The following H1-8 variants were observed in gnomAD, a reference collection of about 807,000 sequenced individuals.
H1-8 encodes the protein H1.8 linker histone, also known as histone H1.8.
In H1-8, 13 loss-of-function variants were observed where a neutral mutation model predicts 19.5. The ratio of observed to expected loss-of-function variants is 0.67; its 90% CI spans 0.43 to 1.06. H1-8 has a LOEUF of 1.06. H1-8 is among the 50% of genes least tolerant of loss of function. The pLI is 0.00. For missense variants in H1-8, 432 were observed against 459.8 expected (o/e 0.94, Z 0.55); for synonymous variants, 193 against 187.6 (o/e 1.03, Z -0.24).
chr3:129,550,807 A>C lies in H1-8; in HGVS notation c.805A>C (p.Lys269Gln). Reference sequence around the variant, plus strand: ...TAAGAGTTCAAAACCCACGGCCAGCAAGGTAGGTGCCTGCATGAATTTCCT... The same window carrying C: ...TAAGAGTTCAAAACCCACGGCCAGCCAGGTAGGTGCCTGCATGAATTTCCT... ...ESKSSKPTAS[K>Q]VKNGAASPTK... The change falls in exon 4 of 5, where the codon AAG becomes CAG. Residue 269 changes from lysine to glutamine, a missense_variant and splice_region_variant. Coordinates refer to ENST00000324382, the MANE Select transcript of H1-8 (RefSeq NM_153833.3). The C allele has an allele frequency of 6.2e-7, 1 of 1,612,816 alleles. No individual in the cohort carries two copies. Among genetic ancestry groups the C allele is most frequent in the Non-Finnish European group, 8.5e-7 (1 of 1,179,308 alleles).
intron 1 of H1-8, among the ~76,000 whole-genome samples, chr3:129,545,185 C>T (rs2084879115): frequency 6.6e-6 from 1 of 151,926 alleles, no homozygotes; most frequent in Non-Finnish European, 1.5e-5. Flanking sequence ...CTCAGCCTCC[C>T]AAGTAGCTAG....
Position 129,550,597 on chromosome 3 carries a change from A to G in H1-8, c.743-148A>G, listed in dbSNP as rs1347973700. On this transcript the variant is annotated intron_variant, in intron 3 of 4. Transcript: ENST00000324382. ...TCTTCAAACTAGGTCACTGAGGCTCAGAGTGGCTAAATGATTTGCCCCATG... is the reference window on the plus strand; with the variant it reads ...TCTTCAAACTAGGTCACTGAGGCTCGGAGTGGCTAAATGATTTGCCCCATG... 2.6e-5 allele frequency: 17 copies of G among 653,342 alleles called. No homozygotes were observed. In the East Asian group the frequency reaches 4.6e-4, roughly 18 times the overall value. The allele number at this position is 653,342 out of a possible 1,614,324, so 40.5% of individuals were successfully genotyped here.
rs562402409 is a variant in H1-8, at chr3:129,545,869, C to T, written c.89-1522C>T. ...GTTTGGGCTGGTTCCATCTTTGGGC[C>T]GACATGAATAGTGCTGCTATGAACA... On this transcript the variant is annotated intron_variant, in intron 1 of 4. Transcript: ENST00000324382. Among the ~76,000 whole-genome samples, 4 of 152,126 alleles carry T rather than the reference C, an allele frequency of 2.6e-5. No individual in the cohort carries two copies. The South Asian group carries it at 6.2e-4, about 24-fold the overall frequency.
rs1474318968 is a variant in H1-8 at position 129,549,156 on chromosome 3, G to C, written c.534G>C (p.Lys178Asn). 1 of 1,567,566 alleles carries C rather than the reference G, an allele frequency of 6.4e-7. No individual in the cohort carries two copies. The highest frequency in any genetic ancestry group is 2.4e-5 in the East Asian group (1 of 42,324). ...TGGGCAAGGTGAAAAAGGCAGCCAA[G>C]AGGCCAGCAAAGGTGCAGAAGCCTC... The part of the protein sequence containing the change: ...PNVGKVKKAA[K>N]RPAKVQKPPP... The change falls in exon 3 of 5, where the codon AAG becomes AAC. Residue 178 changes from lysine to asparagine, a missense_variant. Transcript: ENST00000324382.
In H1-8 at chr3:129,550,726, C is replaced by T. The variant is rs1187031311; in HGVS notation, c.743-19C>T. ...GTTCCTCCTTCTTCCCCTATAAAACCTCCTCCATCAAATTCCAGGAGATGC... is the reference window on the plus strand; with the variant it reads ...GTTCCTCCTTCTTCCCCTATAAAACTTCCTCCATCAAATTCCAGGAGATGC... On this transcript the variant is annotated intron_variant, in intron 3 of 4. Transcript: ENST00000324382. 4 of 1,612,160 alleles carry T rather than the reference C, an allele frequency of 2.5e-6. No homozygotes were observed. In the Admixed American group the frequency reaches 6.7e-5, roughly 27 times the overall value.
In H1-8 at chr3:129,544,277, G is replaced by A. The variant is rs561848984; in HGVS notation, c.88+971G>A. ...GGGCCTCCAAGGCGGTCTTCAGTTA[G>A]GTCAACTTTTATCTTGAACAGGGAG... On this transcript the variant is annotated intron_variant, in intron 1 of 4. Transcript: ENST00000324382. Among the ~76,000 whole-genome samples the A allele has an allele frequency of 2.6e-3, 402 of 152,180 alleles. 1 individual carries two copies. The highest frequency in any genetic ancestry group is 4.7e-3 in the Non-Finnish European group (317 of 68,010).
intron 2 of H1-8, among the ~76,000 whole-genome samples, chr3:129,548,084 G>C (rs2084903817): frequency 6.6e-6 from 1 of 152,174 alleles, no homozygotes; most frequent in Non-Finnish European, 1.5e-5. Context: ...GGCTCCAAAA[G>C]GGGACCCATG....
In H1-8 at chr3:129,543,272, A is replaced by T; in HGVS notation, c.54A>T (p.Ala18=). The T allele has an allele frequency of 6.2e-7, 1 of 1,613,738 alleles. No individual in the cohort carries two copies. The highest frequency in any genetic ancestry group is 8.5e-7 in the Non-Finnish European group (1 of 1,179,816). ...TCTCACCCTCCTCGACTTCCACAGC[A>T]GGATCATCCAGGTCTCCTGAATCTG... is the stretch of plus-strand genomic sequence containing the variant. The part of the protein sequence containing the change: ...SDISPSSTST[A]GSSRSPESEK... Residue 18 remains alanine, a synonymous_variant, in exon 1 of 5, where the codon GCA becomes GCT. Coordinates refer to ENST00000324382, the MANE Select transcript of H1-8 (RefSeq NM_153833.3).
chr3:129,546,141 A>T (rs2084886886), intron 1 of H1-8, among the ~76,000 whole-genome samples: 1 of 147,972 alleles, frequency 6.8e-6, no homozygotes, highest in Admixed American at 6.9e-5. Flanking sequence ...TAATAATAAT[A>T]ATAATAATAA....
rs2084917713 is a variant in H1-8, at chr3:129,549,436, C to T, written c.742+72C>T. On this transcript the variant is annotated intron_variant, in intron 3 of 4. Coordinates refer to ENST00000324382, the MANE Select transcript of H1-8 (RefSeq NM_153833.3). ...CAGCCACTGGAGCGGGGGCGGGGAGCCAGCTCTGGAGAGGGGTTTCCTTAT... is the reference window on the plus strand; with the variant it reads ...CAGCCACTGGAGCGGGGGCGGGGAGTCAGCTCTGGAGAGGGGTTTCCTTAT... 2.7e-6 allele frequency: 4 copies of T among 1,492,316 alleles called. No homozygotes were observed. The East Asian group carries it at 6.8e-5, about 26-fold the overall frequency. The allele number at this position is 1,492,316 out of a possible 1,614,324, so 92.4% of individuals were successfully genotyped here. A position where few individuals can be genotyped will look rare whatever the true frequency, so the allele number is the denominator to read the frequency against.
In H1-8 at chr3:129,547,656, CA is replaced by C. The variant is rs761875961; in HGVS notation, c.355del (p.Arg119GlyfsTer9). ...LLARPLNSKARGATGSFKLVP... is the reference protein window; with the variant it reads ...LLARPLNSKAXGATGSFKLVP... ...TCGCCAGGCCCCTCAACTCCAAAGC[CA>C]GGGGGGCCACTGGCAGCTTCAAAGT... On this transcript the variant is annotated frameshift_variant, in exon 2 of 5. Coordinates refer to ENST00000324382, the MANE Select transcript of H1-8 (RefSeq NM_153833.3). LOFTEE classifies it high-confidence loss of function. 5.2e-6 allele frequency: 8 copies of C among 1,544,242 alleles called. No homozygotes were observed. The highest frequency in any genetic ancestry group is 4.0e-5 in the Admixed American group (2 of 50,408).
In H1-8 at chr3:129,551,252, AG is replaced by A; in HGVS notation, c.954del (p.Thr319GlnfsTer?). On this transcript the variant is annotated frameshift_variant, in exon 5 of 5. Coordinates refer to ENST00000324382, the MANE Select transcript of H1-8 (RefSeq NM_153833.3). LOFTEE classifies it low-confidence loss of function (END_TRUNC). ...SKVVPAHLSR[K>X]TEAPKGPRKA... is the part of the protein sequence containing the mutation. ...GTGGTACCTGCACATTTGTCCAGGAAGACAGAGGCCCCCAAGGGCCCTAGAA... is the reference window on the plus strand; with the variant it reads ...GTGGTACCTGCACATTTGTCCAGGAAACAGAGGCCCCCAAGGGCCCTAGAA... 1.2e-6 allele frequency: 2 copies of A among 1,614,200 alleles called. No individual in the cohort carries two copies. Among genetic ancestry groups the A allele is most frequent in the Non-Finnish European group, 1.7e-6 (2 of 1,180,036 alleles).
Position 129,549,279 on chromosome 3 carries a change from C to T in H1-8, c.657C>T (p.Pro219=), listed in dbSNP as rs147091961. Residue 219 remains proline, a synonymous_variant, in exon 3 of 5, where the codon CCC becomes CCT. Transcript: ENST00000324382. ...AQSGEARKVP[P]KPDKAMRAPS... is the part of the protein sequence containing the mutation. ...CGGGAGAGGCTAGGAAGGTGCCCCC[C>T]AAGCCAGACAAGGCCATGCGGGCAC... 347 of 1,581,884 alleles carry T rather than the reference C, an allele frequency of 2.2e-4. No individual in the cohort carries two copies. Among genetic ancestry groups the T allele is most frequent in the Non-Finnish European group, 2.9e-4 (339 of 1,165,948 alleles).
At chr3:129,546,144 AATAATAATAATAATG>A (rs1578288844) in intron 1 of H1-8, among the ~76,000 whole-genome samples, 5 of 148,098 alleles carry the variant, frequency 3.4e-5, no homozygotes, top group Admixed American at 1.4e-4. Flanking sequence ...TAATAATAAT[AATAATAATAATAATG>A]ATAATAATAC....
At chr3:129,545,062 ATTT>A (rs746799373) in intron 1 of H1-8, among the ~76,000 whole-genome samples, 4 of 138,846 alleles carry the variant, frequency 2.9e-5, no homozygotes, top group Non-Finnish European at 4.7e-5. Flanking sequence ...AATATAGCCA[ATTT>A]TTTTTTTTTT....
In H1-8 at chr3:129,549,216, C is replaced by A; in HGVS notation, c.594C>A (p.Arg198=). The change falls in exon 3 of 5, where the codon CGC becomes CGA. Residue 198 remains arginine (R), a synonymous_variant. Transcript: ENST00000324382. ...CAGGCGCAGCCACAGAGAAGGCTCG[C>A]AAGCAAGGCGGCGCGGCCAAGGACA... is the stretch of plus-strand genomic sequence containing the variant. The part of the protein sequence containing the change: ...PKPGAATEKA[R]KQGGAAKDTR... 6.4e-7 allele frequency: 1 copy of A among 1,574,770 alleles called. No homozygotes were observed. The highest frequency in any genetic ancestry group is 1.3e-5 in the African/African-American group (1 of 74,584).
At chr3:129,550,982 C>A in intron 4 of H1-8, 125 bp from the exon 5 acceptor site, 1 of 972,288 alleles carries the variant, frequency 1.0e-6, no homozygotes, top group Non-Finnish European at 1.5e-6. Context: ...GGGGGTGTTG[C>A]CATCCCCATC....
rs1048839162 is a variant in H1-8, at chr3:129,544,676, G to A, written c.88+1370G>A. On this transcript the variant is annotated intron_variant, in intron 1 of 4. Transcript: ENST00000324382. ...GGAACAGACCTGAGGGAGGACTCCTGGGGGTGGCTCTCTGGGACAGACATG... is the reference window on the plus strand; with the variant it reads ...GGAACAGACCTGAGGGAGGACTCCTAGGGGTGGCTCTCTGGGACAGACATG... Among the ~76,000 whole-genome samples the A allele has an allele frequency of 2.0e-5, 3 of 152,042 alleles. 1 individual carries two copies. The highest frequency in any genetic ancestry group is 2.0e-4 in the Admixed American group (3 of 15,262).
At chr3:129,548,900 C>G (rs2108755653) in intron 2 of H1-8, 101 bp from the exon 3 acceptor site, 2 of 1,449,318 alleles carry the variant, frequency 1.4e-6, no homozygotes, top group East Asian at 4.7e-5. Context: ...TGTGGAGCCC[C>G]CCTGTTTGGA....
Sources: gnomAD v4.1 joint callset for allele counts (sites outside exome capture counted in the v4.1 genomes callset) on GRCh38, gnomAD v4.1.1 for gene constraint, MANE v1.5 for transcripts, NCBI Gene and HGNC (gene_info 2026-07-23, HGNC 2026-07-21) for gene names.